The following LIMD1 variants were observed in gnomAD, a reference collection of about 807,000 sequenced individuals.
LIMD1 encodes the protein LIM domain-containing protein 1.
LIMD1 carries 23 observed loss-of-function variants against 58.4 expected under a neutral mutation model. The observed-to-expected ratio is 0.39, with a 90% CI of 0.28 to 0.56. The LOEUF is 0.56. Among genes scored for constraint, LIMD1 ranks in the 20% least tolerant of loss-of-function variants. LIMD1 has a pLI of 0.57. For missense variants in LIMD1, 838 were observed against 855.5 expected, an observed-to-expected ratio of 0.98 and a Z score of 0.25; for synonymous variants, 334 against 345.5, an observed-to-expected ratio of 0.97 and a Z score of 0.37.
intron 2 of LIMD1, among the ~76,000 whole-genome samples, chr3:45,662,597 C>T (rs1305760576): frequency 6.6e-6 from 1 of 151,782 alleles, no homozygotes; most frequent in Admixed American, 6.6e-5. Flanking sequence ...TTCCTTTTCC[C>T]ATCCTCTCCC....
chr3:45,674,315 A>G (rs1697637082), intron 6 of LIMD1, 28 bp from the exon 7 acceptor site: 5 of 1,603,854 alleles, frequency 3.1e-6, no homozygotes, highest in African/African-American at 1.3e-5. Flanking sequence ...GGCCTCTCCT[A>G]TGTGTTCTTG....
intron 1 of LIMD1, among the ~76,000 whole-genome samples, chr3:45,630,947 T>G (rs1701722746): frequency 6.6e-6 from 1 of 152,152 alleles, no homozygotes; most frequent in South Asian, 2.1e-4. Context: ...CTCACGCCTG[T>G]AATCCCAGCA....
chr3:45,665,859 G>T, intron 3 of LIMD1, 142 bp downstream of exon 3: 2 of 730,534 alleles, frequency 2.7e-6, no homozygotes, highest in East Asian at 2.5e-5. Flanking sequence ...ATACTTGGGG[G>T]TGGCCATGTT....
At chr3:45,623,377 A>G (rs886112278) in intron 1 of LIMD1, among the ~76,000 whole-genome samples, 3 of 152,026 alleles carry the variant, frequency 2.0e-5, no homozygotes, top group Non-Finnish European at 4.4e-5. Flanking sequence ...GGACTTGCTC[A>G]GGGGTACTTT....
intron 1 of LIMD1, among the ~76,000 whole-genome samples, chr3:45,596,603 C>T (rs1701358302): frequency 6.6e-6 from 1 of 152,038 alleles, no homozygotes; most frequent in African/African-American, 2.4e-5. Context: ...TTGGGTGTGA[C>T]TTTAGAGCCT....
intron 1 of LIMD1, among the ~76,000 whole-genome samples, chr3:45,624,474 G>A (rs552544639): frequency 2.0e-5 from 3 of 152,294 alleles, no homozygotes; most frequent in South Asian, 2.1e-4. Flanking sequence ...TTGGGAGGCC[G>A]AGGTGGGCGG....
At chr3:45,624,379 T>C (rs974454880) in intron 1 of LIMD1, among the ~76,000 whole-genome samples, 7 of 151,938 alleles carry the variant, frequency 4.6e-5, no homozygotes, top group Admixed American at 3.9e-4. Flanking sequence ...CAGGGCCACA[T>C]TCATTGGCTA....
chr3:45,656,205 G>A (rs1702025744), intron 2 of LIMD1, among the ~76,000 whole-genome samples: 3 of 150,852 alleles, frequency 2.0e-5, no homozygotes, highest in East Asian at 3.8e-4. Context: ...CTCCAGAGCT[G>A]TGAGAAATAA....
chr3:45,668,016 G>A (rs548417560), intron 3 of LIMD1, among the ~76,000 whole-genome samples: 27 of 152,316 alleles, frequency 1.8e-4, no homozygotes, highest in African/African-American at 5.8e-4. Flanking sequence ...TGGGATTAAA[G>A]CATCTCTATA....
chr3:45,653,907 CAAAAAA>C (rs35185922), intron 2 of LIMD1, among the ~76,000 whole-genome samples: 1 of 74,884 alleles, frequency 1.3e-5, no homozygotes, highest in East Asian at 4.0e-4. Context: ...AAGACTGTCT[CAAAAAA>C]AAAAAAAAAA....
Position 45,677,023 on chromosome 3 carries a change from A to C in LIMD1, c.1995A>C (p.Arg665Ser). The change falls in exon 8 of 8, where the codon AGA becomes AGC. Residue 665 changes from arginine (R) to serine (S), a missense_variant. By Grantham distance (110) the Arg-to-Ser change is moderately radical. This residue lies in a region of LIMD1 where 174 missense variants were observed against 197.4 expected (regional missense o/e 0.88). Coordinates refer to ENST00000273317, the MANE Select transcript of LIMD1 (RefSeq NM_014240.3). ...GCCACGTGAAGAGGCTGGAGAAGAG[A>C]CCCTCATCTACAGCCCTTCACCAGC... The part of the protein sequence containing the change: ...HSCHVKRLEK[R>S]PSSTALHQHH... 6.2e-7 allele frequency: 1 copy of C among 1,613,954 alleles called. No individual in the cohort carries two copies. The highest frequency in any genetic ancestry group is 8.5e-7 in the Non-Finnish European group (1 of 1,179,964).
intron 1 of LIMD1, among the ~76,000 whole-genome samples, chr3:45,608,425 C>G (rs1701488645): frequency 6.6e-6 from 1 of 152,138 alleles, no homozygotes; most frequent in South Asian, 2.1e-4. Flanking sequence ...TGGAAGCTTT[C>G]CCTCATTTGC....
intron 2 of LIMD1, among the ~76,000 whole-genome samples, chr3:45,659,781 T>A (rs998180168): frequency 6.6e-6 from 1 of 152,252 alleles, no homozygotes; most frequent in Non-Finnish European, 1.5e-5. Context: ...ATTCACTTTT[T>A]AAAATTCTTT....
At chr3:45,665,201 A>T (rs1402889722) in intron 2 of LIMD1, among the ~76,000 whole-genome samples, 1 of 152,068 alleles carries the variant, frequency 6.6e-6, no homozygotes, top group Non-Finnish European at 1.5e-5. Context: ...TAACCAATGT[A>T]TAGGACTCTC....
At position 45,682,643 on chromosome 3, in the gene LIMD1, A is replaced by T. The variant is rs954477176; in HGVS notation, c.*5584A>T. 6.6e-6 allele frequency: 1 copy of T among 152,294 alleles called. No homozygotes were observed. Among genetic ancestry groups the T allele is most frequent in the African/African-American group, 2.4e-5 (1 of 41,450 alleles). The allele number at this position is 152,294 out of a possible 1,614,324, so 9.4% of individuals were successfully genotyped here. A position where few individuals can be genotyped will look rare whatever the true frequency, so the allele number is the denominator to read the frequency against. On this transcript the variant is annotated 3_prime_UTR_variant, in exon 8 of 8. Transcript: ENST00000273317. ...TCATTTGATAGACAAGACAACTGAG[A>T]CACAAAAGGGTGAAATAAACAGTAA...
chr3:45,597,459 T>C (rs1439316555), intron 1 of LIMD1, among the ~76,000 whole-genome samples: 1 of 152,230 alleles, frequency 6.6e-6, no homozygotes, highest in Non-Finnish European at 1.5e-5. Flanking sequence ...TTTTGTTTTA[T>C]TCTCTTTTTT....
intron 1 of LIMD1, among the ~76,000 whole-genome samples, chr3:45,609,942 C>A (rs1024862860): frequency 9.9e-5 from 15 of 152,160 alleles, no homozygotes; most frequent in African/African-American, 3.6e-4. Context: ...GCCTGTAATC[C>A]CAGCACTTTG....
At chr3:45,653,771 G>A (rs1277368875) in intron 2 of LIMD1, among the ~76,000 whole-genome samples, 34 of 151,852 alleles carry the variant, frequency 2.2e-4, no homozygotes, top group Non-Finnish European at 1.8e-4. Context: ...TTACCTGGGA[G>A]TGATGGTGCA....
chr3:45,661,809 C>G (rs1051978865), intron 2 of LIMD1, among the ~76,000 whole-genome samples: 2 of 152,166 alleles, frequency 1.3e-5, no homozygotes, highest in African/African-American at 2.4e-5. Context: ...CCCAGGCTGG[C>G]GTGCACAGAC....
Sources: gnomAD v4.1 joint callset for allele counts (sites outside exome capture counted in the v4.1 genomes callset) on GRCh38, gnomAD v4.1.1 for gene constraint, gnomAD v4.1.1 regional missense constraint, MANE v1.5 for transcripts, NCBI Gene and HGNC (gene_info 2026-07-23, HGNC 2026-07-21) for gene names.